The following C20orf173 variants were observed in gnomAD, a reference collection of about 807,000 sequenced individuals.
C20orf173 encodes the protein chromosome 20 open reading frame 173, also known as uncharacterized protein C20orf173.
A neutral mutation model predicts 26.7 loss-of-function variants in C20orf173; 22 were observed. The observed-to-expected ratio is 0.82, with a 90% confidence interval of 0.59 to 1.18. The LOEUF (loss-of-function observed/expected upper bound fraction) is 1.18. Ranked by LOEUF, C20orf173 falls within the 50% of genes most tolerant of loss-of-function variation. The pLI, the probability that C20orf173 is intolerant of heterozygous loss-of-function variation, is 0.00. For synonymous variants in C20orf173, 85 were observed against 96.4 expected, an observed-to-expected ratio of 0.88 and a Z score of 0.69; for missense variants, 210 against 250.3, an observed-to-expected ratio of 0.84 and a Z score of 1.09.
At chr20:35,525,587 A>C (rs922240158), downstream of C20orf173, among the ~76,000 whole-genome samples, 7 of 152,140 alleles carry the variant, frequency 4.6e-5, no homozygotes, top group African/African-American at 1.7e-4. Context: ...GAAACAGAAG[A>C]CACAGGGGAG....
At position 35,529,603 on chromosome 20, in the gene C20orf173, G is replaced by A; in HGVS notation, c.-96C>T. The A allele has an allele frequency of 1.8e-6, 1 of 560,042 alleles. No homozygotes were observed. The allele number at this position is 560,042 out of a possible 1,614,324, so 34.7% of individuals were successfully genotyped here. ...TGGGCATGGGGTGGAAGAGGCCAGG[G>A]CAGAGAGACAGCATGTGGCTAGTCC... On this transcript the variant is annotated 5_prime_UTR_variant, in exon 1 of 6. Transcript: ENST00000444723.
At chr20:35,524,985 C>T (rs2064495253), downstream of C20orf173, among the ~76,000 whole-genome samples, 1 of 151,896 alleles carries the variant, frequency 6.6e-6, no homozygotes, top group South Asian at 2.1e-4. Flanking sequence ...AGGCATGATC[C>T]ACTGTGCCCG....
At position 35,529,641 on chromosome 20, in the gene C20orf173, G is replaced by A. The variant is rs1246441706; in HGVS notation, c.-134C>T. Reference sequence around the variant, plus strand: ...ATGTGGCTAGTCCTGAGAGGGGAAGGAATACCTCAGTGGGGGCCTTGCTGT... The same window carrying A: ...ATGTGGCTAGTCCTGAGAGGGGAAGAAATACCTCAGTGGGGGCCTTGCTGT... On this transcript the variant is annotated 5_prime_UTR_variant, in exon 1 of 6. Coordinates refer to ENST00000444723, the MANE Select transcript of C20orf173 (RefSeq NM_001145350.2). 23 of 481,970 alleles carry A rather than the reference G, an allele frequency of 4.8e-5. No individual in the cohort carries two copies. The highest frequency in any genetic ancestry group is 8.2e-5 in the Non-Finnish European group (22 of 266,956). The allele number at this position is 481,970 out of a possible 1,614,324, so 29.9% of individuals were successfully genotyped here. A position where few individuals can be genotyped will look rare whatever the true frequency, so the allele number is the denominator to read the frequency against.
Position 35,528,450 on chromosome 20 carries a change from C to T in C20orf173, c.582+1G>A, listed in dbSNP as rs749319647. 1.3e-6 allele frequency: 2 copies of T among 1,551,676 alleles called. No homozygotes were observed. The highest frequency in any genetic ancestry group is 1.2e-5 in the South Asian group (1 of 84,064). Reference sequence around the variant, plus strand: ...AGAATGTCTGGGGACACCTCCATCACCTTATCACTTAGAGCATCTGAAGTC... The same window carrying T: ...AGAATGTCTGGGGACACCTCCATCATCTTATCACTTAGAGCATCTGAAGTC... On this transcript the variant is annotated splice_donor_variant, in intron 4 of 5. Transcript: ENST00000444723. LOFTEE classifies it high-confidence loss of function.
chr20:35,529,248 C>T lies in C20orf173; in HGVS notation c.126G>A (p.Gln42=), dbSNP rs1200809491. ...PQEKRMYLVP[Q]HCDCPWFSSG... Reference sequence around the variant, plus strand: ...AACTGAACCAAGGGCAGTCGCAATGCTGTGGTACCAAGTACATTCGTTTTT... The same window carrying T: ...AACTGAACCAAGGGCAGTCGCAATGTTGTGGTACCAAGTACATTCGTTTTT... Residue 42 remains glutamine, a synonymous_variant, in exon 2 of 6, where the codon CAG becomes CAA. Transcript: ENST00000444723. The T allele has an allele frequency of 6.4e-7, 1 of 1,551,552 alleles. No individual in the cohort carries two copies. The highest frequency in any genetic ancestry group is 8.7e-7 in the Non-Finnish European group (1 of 1,146,984).
intron 1 of C20orf173, 60 bp downstream of exon 1, chr20:35,529,499 C>T: frequency 1.2e-6 from 1 of 834,448 alleles, no homozygotes. Context: ...AACTCCCCAT[C>T]CCACCACCTT....
downstream of C20orf173, among the ~76,000 whole-genome samples, chr20:35,524,829 G>A (rs2064494479): frequency 1.3e-5 from 2 of 151,756 alleles, no homozygotes; most frequent in South Asian, 4.2e-4. Flanking sequence ...CTCCTGAGTA[G>A]CTGGGATTAC....
At chr20:35,527,741 C>T (rs545657689) in intron 5 of C20orf173, among the ~76,000 whole-genome samples, 14 of 152,260 alleles carry the variant, frequency 9.2e-5, no homozygotes, top group African/African-American at 3.1e-4. Flanking sequence ...ACCTCAGCCT[C>T]CCGAGTAGCT....
intron 1 of C20orf173, 31 bp from the exon 2 acceptor site, chr20:35,529,455 A>G (rs2064535277): frequency 7.6e-7 from 1 of 1,322,236 alleles, no homozygotes; most frequent in South Asian, 1.5e-5. Context: ...GGCCACAGAC[A>G]GCACCAGCTT....
downstream of C20orf173, chr20:35,522,435 C>G (rs1232260579): frequency 6.6e-6 from 1 of 152,248 alleles, no homozygotes; most frequent in Non-Finnish European, 1.5e-5. Flanking sequence ...TTATGCAGTA[C>G]ACTTATGAAC....
rs547203604 is a variant in C20orf173 at position 35,529,181 on chromosome 20, A to G, written c.193T>C (p.Ser65Pro). The G allele has an allele frequency of 5.7e-5, 89 of 1,551,696 alleles. No homozygotes were observed. The African/African-American group carries it at 1.0e-3, about 18-fold the overall frequency. ...CATTCGTCGGCTGTGTGGTGGCAGG[A>G]GGAGCAGTTGAGGGTCTCAGAAGGG... ...GCPSETLNCSSCHHTADEWNW... is the reference protein window; with the variant it reads ...GCPSETLNCSPCHHTADEWNW... Residue 65 changes from serine to proline, a missense_variant, in exon 2 of 6, where the codon TCC becomes CCC. Coordinates refer to ENST00000444723, the MANE Select transcript of C20orf173 (RefSeq NM_001145350.2).
downstream of C20orf173, chr20:35,523,352 C>G (rs1417668135): frequency 2.0e-5 from 3 of 152,362 alleles, no homozygotes; most frequent in Middle Eastern, 3.4e-3. Flanking sequence ...CCCTGGCAGA[C>G]AGTAGATTGG....
downstream of C20orf173, among the ~76,000 whole-genome samples, chr20:35,525,004 T>C (rs1323103247): frequency 6.6e-6 from 1 of 151,766 alleles, no homozygotes; most frequent in Non-Finnish European, 1.5e-5. Flanking sequence ...CGGCCTTTTG[T>C]TCGTGGTAAC....
At chr20:35,522,733 G>A (rs999401374), downstream of C20orf173, 1 of 152,924 alleles carries the variant, frequency 6.5e-6, no homozygotes, top group Non-Finnish European at 1.5e-5. Context: ...TAGAGACCTT[G>A]AGTTTCCCAC....
Position 35,528,320 on chromosome 20 carries a change from C to A in C20orf173, c.583-36G>T, listed in dbSNP as rs970625605. 5.2e-6 allele frequency: 8 copies of A among 1,551,670 alleles called. No individual in the cohort carries two copies. The African/African-American group carries it at 1.1e-4, about 21-fold the overall frequency. Reference sequence around the variant, plus strand: ...ATTGGAGGTGGGGGAGTTTGGGCCACAAGACCTGGGAAAGTCCTGCAAGTG... The same window carrying A: ...ATTGGAGGTGGGGGAGTTTGGGCCAAAAGACCTGGGAAAGTCCTGCAAGTG... On this transcript the variant is annotated intron_variant, in intron 4 of 5. Coordinates refer to ENST00000444723, the MANE Select transcript of C20orf173 (RefSeq NM_001145350.2).
rs1322485694 is a variant in C20orf173 at position 35,529,189 on chromosome 20, T to C, written c.185A>G (p.Asn62Ser). ...GKCGCPSETL[N>S]CSSCHHTADE... The stretch of plus-strand genomic sequence containing the variant: ...GGCTGTGTGGTGGCAGGAGGAGCAG[T>C]TGAGGGTCTCAGAAGGGCAGCCACA... The change falls in exon 2 of 6, where the codon AAC becomes AGC. Residue 62 changes from asparagine (N) to serine (S), a missense_variant. Physicochemically the swap from Asn to Ser is conservative, Grantham distance 46 (BLOSUM62 1). Coordinates refer to ENST00000444723, the MANE Select transcript of C20orf173 (RefSeq NM_001145350.2). The C allele has an allele frequency of 6.4e-6, 10 of 1,551,654 alleles. No individual in the cohort carries two copies. The highest frequency in any genetic ancestry group is 7.8e-6 in the Non-Finnish European group (9 of 1,146,980).
At position 35,528,244 on chromosome 20, in the gene C20orf173, T is replaced by C. The variant is rs2064517980; in HGVS notation, c.*14A>G. ...CTATTCCCCCTCACCGTGTCTTTGCTATCTTCCACTCCACTAGGGAACCAG... is the reference window on the plus strand; with the variant it reads ...CTATTCCCCCTCACCGTGTCTTTGCCATCTTCCACTCCACTAGGGAACCAG... On this transcript the variant is annotated 3_prime_UTR_variant, in exon 5 of 6. Coordinates refer to ENST00000444723, the MANE Select transcript of C20orf173 (RefSeq NM_001145350.2). The C allele has an allele frequency of 1.3e-6, 2 of 1,552,048 alleles. No individual in the cohort carries two copies. The highest frequency in any genetic ancestry group is 2.4e-5 in the South Asian group (2 of 84,066).
chr20:35,524,027 T>C (rs2064489566), downstream of C20orf173, among the ~76,000 whole-genome samples: 1 of 152,110 alleles, frequency 6.6e-6, no homozygotes, highest in African/African-American at 2.4e-5. Context: ...GAACTGTTTT[T>C]TTGTGGTTTT....
Position 35,528,662 on chromosome 20 carries a change from GCCTGGCCTTCCTGCTCCCGC to G in C20orf173, c.488+19_488+38del. The G allele has an allele frequency of 6.5e-7, 1 of 1,533,638 alleles. No homozygotes were observed. Among genetic ancestry groups the G allele is most frequent in the Non-Finnish European group, 8.8e-7 (1 of 1,137,094 alleles). ...AGAAACTGATGGAACTGTGGGGCAG[GCCTGGCCTTCCTGCTCCCGC>G]CCTCTCCCCAGCACCCACCTGAAAA... On this transcript the variant is annotated intron_variant, in intron 3 of 5. Coordinates refer to ENST00000444723, the MANE Select transcript of C20orf173 (RefSeq NM_001145350.2).
Sources: gnomAD v4.1 joint callset for allele counts (sites outside exome capture counted in the v4.1 genomes callset) on GRCh38, gnomAD v4.1.1 for gene constraint, MANE v1.5 for transcripts, NCBI Gene and HGNC (gene_info 2026-07-23, HGNC 2026-07-21) for gene names.